Variants in CSMD3 observed in about 807,000 individuals in gnomAD.
CSMD3 encodes the protein CUB and sushi domain-containing protein 3.
CSMD3 carries 177 observed loss-of-function variants against 435.2 expected under a neutral mutation model. The observed-to-expected ratio is 0.41, with a 90% CI of 0.36 to 0.46. CSMD3 has a LOEUF of 0.46. CSMD3 is among the 20% of genes least tolerant of loss of function. The probability of loss-of-function intolerance (pLI) is 0.34; values close to 1 mark genes in which losing one functional copy is unlikely to be tolerated. For synonymous variants in CSMD3, 1,656 were observed against 1,520.5 expected (o/e 1.09, Z -2.07); for missense variants, 4,265 against 4,504.6 (o/e 0.95, Z 1.52).
intron 13 of CSMD3, among the ~76,000 whole-genome samples, chr8:112,752,371 C>G (rs2077589737): frequency 6.6e-6 from 1 of 152,108 alleles, no homozygotes; most frequent in Admixed American, 6.6e-5. Flanking sequence ...AAGTACCATC[C>G]ATCTGCTGAA....
chr8:113,134,118 G>A (rs188002841), intron 4 of CSMD3, among the ~76,000 whole-genome samples: 22 of 152,188 alleles, frequency 1.4e-4, no homozygotes, highest in Admixed American at 5.9e-4. Context: ...TTTACAGATT[G>A]CAAACTGTAG....
intron 10 of CSMD3, among the ~76,000 whole-genome samples, chr8:112,901,891 G>A (rs1449497753): frequency 6.6e-6 from 1 of 151,342 alleles, no homozygotes; most frequent in Non-Finnish European, 1.5e-5. Context: ...TCAAAATGGG[G>A]AAGAGGAGTT....
At chr8:112,235,999 T>A (rs1442819224) in intron 67 of CSMD3, among the ~76,000 whole-genome samples, 1 of 151,948 alleles carries the variant, frequency 6.6e-6, no homozygotes, top group Admixed American at 6.6e-5. Flanking sequence ...AGTCACAATT[T>A]AAATGTATTT....
intron 13 of CSMD3, among the ~76,000 whole-genome samples, chr8:112,695,766 C>A (rs980946563): frequency 6.6e-6 from 1 of 152,062 alleles, no homozygotes; most frequent in African/African-American, 2.4e-5. Flanking sequence ...AAAGGGTATT[C>A]AGTTAGGAAA....
intron 27 of CSMD3, among the ~76,000 whole-genome samples, chr8:112,525,749 T>C (rs899299092): frequency 7.6e-6 from 1 of 131,292 alleles, no homozygotes; most frequent in Non-Finnish European, 1.6e-5. Flanking sequence ...ACCATATATA[T>C]ACATATATAT....
chr8:112,978,103 A>T (rs574911962), intron 6 of CSMD3, among the ~76,000 whole-genome samples: 2 of 152,096 alleles, frequency 1.3e-5, no homozygotes, highest in South Asian at 4.2e-4. Flanking sequence ...CAGAGTAAAA[A>T]CTAATGCTTT....
At chr8:112,858,377 A>G (rs1292733833) in intron 11 of CSMD3, among the ~76,000 whole-genome samples, 2 of 151,774 alleles carry the variant, frequency 1.3e-5, no homozygotes, top group Non-Finnish European at 3.0e-5. Flanking sequence ...CACAATCTGA[A>G]CCAATTTCAT....
chr8:112,251,860 A>C (rs866704237), intron 63 of CSMD3, among the ~76,000 whole-genome samples: 41 of 151,852 alleles, frequency 2.7e-4, no homozygotes, highest in African/African-American at 8.7e-4. Context: ...ATGTTGCATC[A>C]ATTATTTTGA....
At chr8:113,257,045 C>G (rs553546288) in intron 3 of CSMD3, among the ~76,000 whole-genome samples, 1 of 152,180 alleles carries the variant, frequency 6.6e-6, no homozygotes, top group South Asian at 2.1e-4. Context: ...ACCTTAGTTT[C>G]AATCAGCCTC....
At chr8:112,655,509 C>T (rs572668241) in intron 18 of CSMD3, among the ~76,000 whole-genome samples, 9 of 152,052 alleles carry the variant, frequency 5.9e-5, no homozygotes, top group South Asian at 2.1e-4. Flanking sequence ...TTTCTGTGTT[C>T]ATATCAGCAT....
intron 3 of CSMD3, among the ~76,000 whole-genome samples, chr8:113,201,829 TATA>T (rs1157856733): frequency 6.6e-6 from 1 of 152,098 alleles, no homozygotes; most frequent in Non-Finnish European, 1.5e-5. Context: ...TTAATAGTTG[TATA>T]ATATTTATGG....
intron 2 of CSMD3, chr8:113,309,733 T>C (rs1238897397): frequency 6.6e-6 from 1 of 152,222 alleles, no homozygotes; most frequent in Admixed American, 6.5e-5. Flanking sequence ...ATTTATTTAT[T>C]TACCTATCAA....
At chr8:112,295,251 A>G (rs553195869) in intron 54 of CSMD3, among the ~76,000 whole-genome samples, 162 of 152,296 alleles carry the variant, frequency 1.1e-3, no homozygotes, top group Admixed American at 3.9e-3. Flanking sequence ...CACTCTCTAT[A>G]TAAGGGAATT....
At chr8:112,897,651 C>T (rs1174280614) in intron 10 of CSMD3, among the ~76,000 whole-genome samples, 2 of 143,452 alleles carry the variant, frequency 1.4e-5, no homozygotes, top group African/African-American at 5.2e-5. Flanking sequence ...TCGAGAACTC[C>T]CTAAAATACT....
At chr8:113,391,101 G>A (rs552297601) in intron 1 of CSMD3, among the ~76,000 whole-genome samples, 7 of 151,966 alleles carry the variant, frequency 4.6e-5, no homozygotes, top group African/African-American at 1.4e-4. Context: ...GCAAACTCTC[G>A]CATATCCCAT....
chr8:112,607,989 C>G (rs900924748), intron 22 of CSMD3, among the ~76,000 whole-genome samples: 1 of 151,920 alleles, frequency 6.6e-6, no homozygotes, highest in African/African-American at 2.4e-5. Flanking sequence ...CAAAACCATC[C>G]GAAACATAAA....
intron 57 of CSMD3, among the ~76,000 whole-genome samples, chr8:112,288,693 T>C (rs900803326): frequency 3.3e-5 from 5 of 151,956 alleles, no homozygotes; most frequent in Admixed American, 2.0e-4. Flanking sequence ...ATCTAAAACG[T>C]AAATGGTGTT....
intron 7 of CSMD3, among the ~76,000 whole-genome samples, chr8:112,975,151 G>A (rs1394639778): frequency 6.6e-6 from 1 of 151,216 alleles, no homozygotes; most frequent in Non-Finnish European, 1.5e-5. Context: ...TAACTGAGTA[G>A]AAAATTACCA....
At chr8:112,295,110 C>A (rs536106263) in intron 54 of CSMD3, among the ~76,000 whole-genome samples, 3 of 152,172 alleles carry the variant, frequency 2.0e-5, no homozygotes, top group Non-Finnish European at 2.9e-5. Context: ...GCCTTCGCAA[C>A]CTCATAAATA....
Sources: allele counts gnomAD v4.1 joint callset (sites outside exome capture counted in the v4.1 genomes callset), GRCh38; gene constraint gnomAD v4.1.1; transcripts MANE v1.5; gene names NCBI Gene and HGNC (gene_info 2026-07-23, HGNC 2026-07-21).